AGBL1: variants seen among roughly 807,000 people sequenced by gnomAD.
AGBL1 encodes the protein AGBL carboxypeptidase 1, also known as cytosolic carboxypeptidase 4.
Under a neutral mutation model 118.9 loss-of-function variants are expected in AGBL1, and 130 were observed. The observed-to-expected ratio is 1.09, with a 90% CI of 0.95 to 1.26. The LOEUF is 1.26. Among genes scored for constraint, AGBL1 ranks in the 50% most tolerant of loss-of-function variants. AGBL1 has a pLI of 0.00. For synonymous variants in AGBL1, 555 were observed against 478.9 expected, an observed-to-expected ratio of 1.16 and a Z score of -2.08; for missense variants, 1,584 against 1,298.1, an observed-to-expected ratio of 1.22 and a Z score of -3.38.
At chr15:86,984,639 C>T (rs1185543200) in intron 23 of AGBL1, among the ~76,000 whole-genome samples, 1 of 152,180 alleles carries the variant, frequency 6.6e-6, no homozygotes, top group Non-Finnish European at 1.5e-5. Context: ...GCTGGGGTTA[C>T]AGGCGTGAGC....
At chr15:86,745,500 G>C (rs1165295789) in intron 22 of AGBL1, among the ~76,000 whole-genome samples, 4 of 152,034 alleles carry the variant, frequency 2.6e-5, no homozygotes, top group Non-Finnish European at 5.9e-5. Context: ...CTACTGCCCA[G>C]AGAGGCTCAG....
chr15:86,633,837 A>G (rs2085027380), intron 21 of AGBL1, among the ~76,000 whole-genome samples: 2 of 50,106 alleles, frequency 4.0e-5, no homozygotes, highest in Non-Finnish European at 6.5e-5. Flanking sequence ...TATAATGTAT[A>G]TATATATAAT....
intron 17 of AGBL1, among the ~76,000 whole-genome samples, chr15:86,318,808 G>T (rs1006951051): frequency 1.3e-5 from 2 of 149,616 alleles, no homozygotes; most frequent in Non-Finnish European, 3.0e-5. Context: ...CCATGTAAAG[G>T]TCTGTTTGTG....
Position 86,134,682 on chromosome 15 carries a change from C to T in AGBL1, c.52-7322C>T, listed in dbSNP as rs1445356938. ...AGGCTGGAGTGCAGTGGCATGATCT[C>T]GGCTCACTGTAACGTCTGCCACCCA... is the stretch of plus-strand genomic sequence containing the variant. On this transcript the variant is annotated intron_variant, in intron 1 of 22. Coordinates refer to ENST00000614907, the MANE Select transcript of AGBL1 (RefSeq NM_001386094.1). Among the ~76,000 whole-genome samples the T allele has an allele frequency of 2.1e-5, 3 of 139,620 alleles. No homozygotes were observed. In the South Asian group the frequency reaches 7.5e-4, roughly 35 times the overall value. The allele number at this position is 139,620 out of a possible 152,430, so 91.6% of individuals were successfully genotyped here.
At chr15:86,658,730 G>A (rs1210062408) in intron 21 of AGBL1, among the ~76,000 whole-genome samples, 1 of 152,092 alleles carries the variant, frequency 6.6e-6, no homozygotes, top group Non-Finnish European at 1.5e-5. Flanking sequence ...CTAGGCTGGT[G>A]GGTGTTTCTG....
intron 15 of AGBL1, among the ~76,000 whole-genome samples, chr15:86,273,860 G>A (rs1184248559): frequency 6.6e-6 from 1 of 152,174 alleles, no homozygotes; most frequent in African/African-American, 2.4e-5. Flanking sequence ...GGAAAAAGGA[G>A]ACTCAGAAGA....
chr15:86,864,431 G>C (rs575407349), intron 22 of AGBL1, among the ~76,000 whole-genome samples: 1 of 152,132 alleles, frequency 6.6e-6, no homozygotes, highest in Non-Finnish European at 1.5e-5. Context: ...CACACTATTA[G>C]TAATCTTATG....
At chr15:86,409,693 C>G (rs1431241) in intron 18 of AGBL1, among the ~76,000 whole-genome samples, 1 of 152,032 alleles carries the variant, frequency 6.6e-6, no homozygotes, top group Non-Finnish European at 1.5e-5. Flanking sequence ...GGTTTCCCCC[C>G]CTCACTTCCC....
At chr15:86,460,890 C>T (rs1195404078) in intron 18 of AGBL1, among the ~76,000 whole-genome samples, 1 of 152,188 alleles carries the variant, frequency 6.6e-6, no homozygotes, top group East Asian at 1.9e-4. Context: ...GTCACAACCG[C>T]TTGCCATTTT....
At chr15:86,934,528 A>C (rs932085320) in intron 23 of AGBL1, among the ~76,000 whole-genome samples, 1 of 87,586 alleles carries the variant, frequency 1.1e-5, no homozygotes, top group African/African-American at 3.3e-5. Context: ...CAAACCTTAT[A>C]TAGGTTAAAA....
intron 1 of AGBL1, among the ~76,000 whole-genome samples, chr15:86,134,458 C>G (rs2076858408): frequency 1.3e-5 from 2 of 152,068 alleles, no homozygotes; most frequent in African/African-American, 2.4e-5. Flanking sequence ...TCTGTGAGAT[C>G]AGGGGCACTA....
chr15:86,797,968 T>A (rs1271600598), intron 22 of AGBL1, among the ~76,000 whole-genome samples: 1 of 152,184 alleles, frequency 6.6e-6, no homozygotes, highest in Non-Finnish European at 1.5e-5. Flanking sequence ...TAAGGGCAAT[T>A]AGTTACAGAA....
intron 23 of AGBL1, among the ~76,000 whole-genome samples, chr15:86,983,597 G>C (rs1053406319): frequency 6.6e-6 from 1 of 152,036 alleles, no homozygotes; most frequent in South Asian, 2.1e-4. Flanking sequence ...TTAAGTATAT[G>C]GTTTGATATC....
chr15:86,969,182 C>A (rs1016892950), intron 23 of AGBL1, among the ~76,000 whole-genome samples: 10 of 151,942 alleles, frequency 6.6e-5, no homozygotes, highest in African/African-American at 2.4e-4. Flanking sequence ...TCATCTAAAT[C>A]AGGTGTGGGT....
At chr15:86,544,566 G>A (rs556453228) in intron 19 of AGBL1, among the ~76,000 whole-genome samples, 1 of 152,164 alleles carries the variant, frequency 6.6e-6, no homozygotes, top group Non-Finnish European at 1.5e-5. Context: ...GAGGGGCAAA[G>A]TCACATCTTA....
At chr15:86,793,091 C>A (rs1383050573) in intron 22 of AGBL1, among the ~76,000 whole-genome samples, 1 of 152,106 alleles carries the variant, frequency 6.6e-6, no homozygotes, top group Admixed American at 6.5e-5. Flanking sequence ...TAGAATTTCC[C>A]ATTCTTTTTA....
intron 5 of AGBL1, among the ~76,000 whole-genome samples, chr15:86,166,714 A>G (rs959674417): frequency 2.0e-5 from 3 of 152,068 alleles, no homozygotes; most frequent in African/African-American, 4.8e-5. Flanking sequence ...GATCTTTCCC[A>G]TTGCTGGTTC....
intron 18 of AGBL1, among the ~76,000 whole-genome samples, chr15:86,430,489 CA>C (rs556112771): frequency 0.028 from 2,376 of 85,196 alleles, 28 homozygotes; most frequent in African/African-American, 0.068. Flanking sequence ...AGCGCCGTCG[CA>C]AAAAAAAAAA....
intron 3 of AGBL1, 132 bp from the exon 4 acceptor site, chr15:86,154,298 A>C (rs1050096050): frequency 5.1e-6 from 5 of 984,760 alleles, no homozygotes; most frequent in Non-Finnish European, 7.3e-6. Context: ...AGCATTTGTC[A>C]CTAGGTCTGA....
Sources: allele counts gnomAD v4.1 joint callset (sites outside exome capture counted in the v4.1 genomes callset), GRCh38; gene constraint gnomAD v4.1.1; transcripts MANE v1.5; gene names NCBI Gene and HGNC (gene_info 2026-07-23, HGNC 2026-07-21).